The following DOT1L variants were observed in gnomAD, a reference collection of about 807,000 sequenced individuals.
The protein encoded by DOT1L is histone-lysine N-methyltransferase, H3 lysine-79 specific.
DOT1L carries 33 observed loss-of-function variants against 153.3 expected under a neutral mutation model. That is an observed-to-expected ratio of 0.22 (90% CI 0.16 to 0.29). DOT1L has a LOEUF of 0.29. Among genes scored for constraint, DOT1L ranks in the 10% least tolerant of loss-of-function variants. The probability of loss-of-function intolerance (pLI) is 1.00; values close to 1 mark genes in which losing one functional copy is unlikely to be tolerated. For synonymous variants in DOT1L, 1,135 were observed against 965.1 expected, an observed-to-expected ratio of 1.18 and a Z score of -3.26; for missense variants, 1,847 against 2,119.9, an observed-to-expected ratio of 0.87 and a Z score of 2.53.
rs1460883946 is a variant in DOT1L at position 2,186,468 on chromosome 19, AC to A, written c.200+540del. Reference sequence around the variant, plus strand: ...GTTTTGTTTTTCTTTGACAAGGAAGACATTCCAGGCTCATGCCTTTTTCAGC... The same window carrying A: ...GTTTTGTTTTTCTTTGACAAGGAAGAATTCCAGGCTCATGCCTTTTTCAGC... On this transcript the variant is annotated intron_variant, in intron 3 of 27. Transcript: ENST00000398665. 4.6e-5 allele frequency among the ~76,000 whole-genome samples: 7 copies of A among 150,596 alleles called. No individual in the cohort carries two copies. The South Asian group carries it at 1.3e-3, about 27-fold the overall frequency.
At position 2,221,854 on chromosome 19, in the gene DOT1L, C is replaced by T. The variant is rs1242942674; in HGVS notation, c.2807-122C>T. 5 of 1,059,000 alleles carry T rather than the reference C, an allele frequency of 4.7e-6. No homozygotes were observed. In the African/African-American group the frequency reaches 6.4e-5, roughly 14 times the overall value. 65.6% of individuals were successfully genotyped at this position (1,059,000 alleles called of 1,614,324 possible). On this transcript the variant is annotated intron_variant, in intron 23 of 27. Coordinates refer to ENST00000398665, the MANE Select transcript of DOT1L (RefSeq NM_032482.3). ...GAGGGGCCGTTTTCAGACTCCCAAC[C>T]CCTTCCCCACTTCCCCGCCTCTCCT...
At chr19:2,211,680 G>C in intron 15 of DOT1L, 71 bp from the exon 16 acceptor site, 1 of 1,371,760 alleles carries the variant, frequency 7.3e-7, no homozygotes, top group Non-Finnish European at 1.0e-6. Context: ...TCGTTCTCAA[G>C]GGCTGCTCCC....
rs1418429108 is a variant in DOT1L at position 2,208,827 on chromosome 19, C to G, written c.964-108C>G. 2 of 1,166,514 alleles carry G rather than the reference C, an allele frequency of 1.7e-6. No homozygotes were observed. The highest frequency in any genetic ancestry group is 1.6e-5 in the African/African-American group (1 of 64,346). The allele number at this position is 1,166,514 out of a possible 1,614,324, so 72.3% of individuals were successfully genotyped here. On this transcript the variant is annotated intron_variant, in intron 11 of 27. Coordinates refer to ENST00000398665, the MANE Select transcript of DOT1L (RefSeq NM_032482.3). This position sits in a 1 kb window ranked among gnomAD's most constrained non-coding sequence, Gnocchi z 4.4. ...TGCCTGCTGTCCCCAGATACCAGAA[C>G]AGCCTCCCCAGCCACTGTCCAGGTT...
rs2023702993 is a variant in DOT1L at position 2,211,223 on chromosome 19, G to A, written c.1465+11G>A. On this transcript the variant is annotated intron_variant, in intron 15 of 27. Transcript: ENST00000398665. Reference sequence around the variant, plus strand: ...TGCAGAAGCTTCTAGGTGAGCCCGTGTGAGGCGTCCGGCGAAGGGTTCTGG... The same window carrying A: ...TGCAGAAGCTTCTAGGTGAGCCCGTATGAGGCGTCCGGCGAAGGGTTCTGG... 1 of 1,593,202 alleles carries A rather than the reference G, an allele frequency of 6.3e-7. No homozygotes were observed. The highest frequency in any genetic ancestry group is 8.6e-7 in the Non-Finnish European group (1 of 1,168,370).
At position 2,222,153 on chromosome 19, in the gene DOT1L, G is replaced by C; in HGVS notation, c.2984G>C (p.Arg995Pro). 6.2e-7 allele frequency: 1 copy of C among 1,613,044 alleles called. No individual in the cohort carries two copies. Among genetic ancestry groups the C allele is most frequent in the East Asian group, 2.2e-5 (1 of 44,874 alleles). The change falls in exon 24 of 28, where the codon CGG becomes CCG. Residue 995 changes from arginine (R) to proline (P), a missense_variant. Arg to Pro is a moderately radical substitution (Grantham distance 103, BLOSUM62 -2). Coordinates refer to ENST00000398665, the MANE Select transcript of DOT1L (RefSeq NM_032482.3). This position sits in a 1 kb window ranked among gnomAD's most constrained non-coding sequence, Gnocchi z 6.5. ...PQHPLLLAQPRNSLPASPAHQ... is the reference protein window; with the variant it reads ...PQHPLLLAQPPNSLPASPAHQ... ...CACCCCCTGCTGCTGGCACAGCCCC[G>C]GAACTCGCTTCCTGCCTCTCCCGCC...
chr19:2,204,667 C>T lies in DOT1L; in HGVS notation c.787+1888C>T, dbSNP rs2023426912. ...CTGTCCGGCCCCTCCCTGTTTTGAA[C>T]ATGTCCAGTGAAGGGCAGGTGGCCA... On this transcript the variant is annotated intron_variant, in intron 9 of 27. Transcript: ENST00000398665. This position sits in a 1 kb window ranked among gnomAD's most constrained non-coding sequence, Gnocchi z 5.7. 1.3e-5 allele frequency among the ~76,000 whole-genome samples: 2 copies of T among 152,336 alleles called. No individual in the cohort carries two copies. The highest frequency in any genetic ancestry group is 4.1e-4 in the South Asian group (2 of 4,824).
rs888708392 is a variant in DOT1L, at chr19:2,189,724, T to G, written c.201-8T>G. The G allele has an allele frequency of 6.2e-7, 1 of 1,609,564 alleles. No homozygotes were observed. The highest frequency in any genetic ancestry group is 8.5e-7 in the Non-Finnish European group (1 of 1,179,618). On this transcript the variant is annotated splice_polypyrimidine_tract_variant and splice_region_variant and intron_variant, in intron 3 of 27. Transcript: ENST00000398665. ...CGCATGACCAGGGCCTTCCCTTGCC[T>G]TTTTCAGCTTCGAGAGCATGCAGAG...
chr19:2,222,629 G>A lies in DOT1L; in HGVS notation c.3390+70G>A, dbSNP rs890256900. On this transcript the variant is annotated intron_variant, in intron 24 of 27. Transcript: ENST00000398665. This position sits in a 1 kb window ranked among gnomAD's most constrained non-coding sequence, Gnocchi z 6.5. ...GAAAGACCAGAGGGAGACCGGGCGC[G>A]GTGGCTCACGCCTGTAATCCCAGCA... 1.6e-5 allele frequency: 22 copies of A among 1,405,906 alleles called. No individual in the cohort carries two copies. Among genetic ancestry groups the A allele is most frequent in the African/African-American group, 5.8e-5 (4 of 69,518 alleles). 87.1% of individuals were successfully genotyped at this position (1,405,906 alleles called of 1,614,324 possible). A position where few individuals can be genotyped will look rare whatever the true frequency, so the allele number is the denominator to read the frequency against.
intron 1 of DOT1L, among the ~76,000 whole-genome samples, chr19:2,170,910 C>T (rs987577476): frequency 5.3e-5 from 8 of 152,046 alleles, no homozygotes; most frequent in African/African-American, 1.9e-4. Flanking sequence ...CCAGGAGTCT[C>T]CTGGAACCTG....
Position 2,204,975 on chromosome 19 carries a change from T to TG in DOT1L, c.788-1754_788-1753insG, listed in dbSNP as rs1467611912. ...TAAATGGATCCACTTTGACTTTTAA[T>TG]TTTTTTTTTTTTGGAGACGGAGTCT... On this transcript the variant is annotated intron_variant, in intron 9 of 27. Transcript: ENST00000398665. The surrounding 1 kb of genome is among the most constrained non-coding windows in gnomAD (Gnocchi z 5.7). 1.4e-5 allele frequency among the ~76,000 whole-genome samples: 2 copies of TG among 141,656 alleles called. No individual in the cohort carries two copies. The highest frequency in any genetic ancestry group is 3.0e-5 in the Non-Finnish European group (2 of 65,714). The allele number at this position is 141,656 out of a possible 152,430, so 92.9% of individuals were successfully genotyped here.
chr19:2,192,043 A>T (rs1295783944), intron 5 of DOT1L, among the ~76,000 whole-genome samples: 1 of 152,190 alleles, frequency 6.6e-6, no homozygotes, highest in Non-Finnish European at 1.5e-5. Flanking sequence ...CAGACAGTGA[A>T]GGCCCCTTCT....
intron 8 of DOT1L, among the ~76,000 whole-genome samples, chr19:2,200,663 TCCTC>T (rs928634685): frequency 2.4e-4 from 37 of 151,986 alleles, no homozygotes; most frequent in Non-Finnish European, 1.5e-4. Flanking sequence ...GCTCCCCTCA[TCCTC>T]CCAGCACTCT....
intron 23 of DOT1L, 134 bp from the exon 24 acceptor site, chr19:2,221,842 C>G: frequency 1.0e-6 from 1 of 958,212 alleles, no homozygotes; most frequent in Non-Finnish European, 1.5e-6. Flanking sequence ...GGGCCGTTTT[C>G]AGACTCCCAA....
In DOT1L at chr19:2,200,582, T is replaced by C. The variant is rs372619957; in HGVS notation, c.707+643T>C. The stretch of plus-strand genomic sequence containing the variant: ...AGGGACCCTGGAGGCCCAAGGCGCT[T>C]GTGAGGGCAGCCGGGGAGGTGGGGT... On this transcript the variant is annotated intron_variant, in intron 8 of 27. Transcript: ENST00000398665. Among the ~76,000 whole-genome samples the C allele has an allele frequency of 6.3e-4, 96 of 152,246 alleles. No individual in the cohort carries two copies. In the East Asian group the frequency reaches 0.017, roughly 27 times the overall value.
Position 2,191,307 on chromosome 19 carries a change from G to A in DOT1L, c.493+67G>A. ...GCCACACGCTCTGTGCCTGCCCCAT[G>A]CCTGCTTGGAGAAGAGTTTATCAGG... is the stretch of plus-strand genomic sequence containing the variant. On this transcript the variant is annotated intron_variant, in intron 5 of 27. Coordinates refer to ENST00000398665, the MANE Select transcript of DOT1L (RefSeq NM_032482.3). The surrounding 1 kb of genome is among the most constrained non-coding windows in gnomAD (Gnocchi z 6.8). 4.0e-6 allele frequency: 6 copies of A among 1,506,958 alleles called. No homozygotes were observed. Among genetic ancestry groups the A allele is most frequent in the Non-Finnish European group, 5.5e-6 (6 of 1,088,588 alleles). The allele number at this position is 1,506,958 out of a possible 1,614,324, so 93.3% of individuals were successfully genotyped here.
At chr19:2,205,722 C>G (rs2144806668) in intron 9 of DOT1L, among the ~76,000 whole-genome samples, 1 of 152,100 alleles carries the variant, frequency 6.6e-6, no homozygotes, top group East Asian at 1.9e-4. Flanking sequence ...GAGACAGGGT[C>G]TTCATCCTTG....
intron 22 of DOT1L, among the ~76,000 whole-genome samples, chr19:2,218,625 C>T (rs1354257688): frequency 6.6e-6 from 1 of 152,048 alleles, no homozygotes; most frequent in African/African-American, 2.4e-5. Context: ...GATCTCCTGA[C>T]CTAGTGATCC....
At chr19:2,219,904 C>T (rs112095386) in intron 22 of DOT1L, among the ~76,000 whole-genome samples, 1 of 152,218 alleles carries the variant, frequency 6.6e-6, no homozygotes, top group Non-Finnish European at 1.5e-5. Flanking sequence ...CCCATTCACA[C>T]GCAGGCACCG....
At chr19:2,199,831 TG>T in intron 7 of DOT1L, 52 bp from the exon 8 acceptor site, 1 of 1,320,778 alleles carries the variant, frequency 7.6e-7, no homozygotes, top group Non-Finnish European at 1.0e-6. Flanking sequence ...CTGGGCGGGC[TG>T]GGAGTGCCAG....
Sources: gnomAD v4.1 joint callset for allele counts (sites outside exome capture counted in the v4.1 genomes callset) on GRCh38, gnomAD v4.1.1 for gene constraint, Gnocchi (gnomAD v3.1) non-coding constraint, MANE v1.5 for transcripts, NCBI Gene and HGNC (gene_info 2026-07-23, HGNC 2026-07-21) for gene names.